The following BCL7A variants were observed in gnomAD, a reference collection of about 807,000 sequenced individuals.
The protein encoded by BCL7A is B-cell CLL/lymphoma 7 protein family member A.
In BCL7A, 11 loss-of-function variants were observed where a neutral mutation model predicts 28.4. That is an observed-to-expected ratio of 0.39 (90% confidence interval 0.24 to 0.64). The LOEUF (loss-of-function observed/expected upper bound fraction) is 0.64, where lower values mean the gene tolerates loss of function less well. BCL7A is among the 30% of genes least tolerant of loss of function. The pLI is 0.50. For missense variants in BCL7A, 222 were observed against 274.8 expected, an observed-to-expected ratio of 0.81 and a Z score of 1.36; for synonymous variants, 123 against 103.3, an observed-to-expected ratio of 1.19 and a Z score of -1.15.
rs1387857870 is a variant in BCL7A, at chr12:122,059,825, C to CCCCAA, written c.*662_*663insCCCAA. 1 of 231,984 alleles carries CCCCAA rather than the reference C, an allele frequency of 4.3e-6. No individual in the cohort carries two copies. The highest frequency in any genetic ancestry group is 6.1e-5 in the East Asian group (1 of 16,430). The allele number at this position is 231,984 out of a possible 1,614,324, so 14.4% of individuals were successfully genotyped here. On this transcript the variant is annotated 3_prime_UTR_variant, in exon 6 of 6. Coordinates refer to ENST00000261822, the MANE Select transcript of BCL7A (RefSeq NM_001024808.3). The surrounding 1 kb of genome is among the most constrained non-coding windows in gnomAD (Gnocchi z 4.0). ...CACCAGGCACCAGGGCCCAAGGACG[C>CCCCAA]GCAGGTGTTGGGGCACAGTCCCCAA...
chr12:122,044,925 G>T (rs1188088329), intron 4 of BCL7A, among the ~76,000 whole-genome samples: 1 of 152,184 alleles, frequency 6.6e-6, no homozygotes, highest in Non-Finnish European at 1.5e-5. Context: ...TAGGAAAGGG[G>T]TGGGGGGTCT....
At chr12:122,034,668 G>A (rs1357530373) in intron 2 of BCL7A, among the ~76,000 whole-genome samples, 17 of 151,656 alleles carry the variant, frequency 1.1e-4, no homozygotes, top group Non-Finnish European at 2.4e-4. Flanking sequence ...TCTGGGAGTT[G>A]GAGTTGGAGC....
intron 4 of BCL7A, among the ~76,000 whole-genome samples, chr12:122,047,953 G>A (rs1262943631): frequency 1.3e-5 from 2 of 148,710 alleles, no homozygotes; most frequent in African/African-American, 2.5e-5. Context: ...GCCCAGGCTG[G>A]AGTGCAATGG....
At chr12:122,034,689 C>T (rs1044002252) in intron 2 of BCL7A, among the ~76,000 whole-genome samples, 1 of 151,392 alleles carries the variant, frequency 6.6e-6, no homozygotes, top group African/African-American at 2.4e-5. Context: ...TTGCAGTGAG[C>T]CATGATCACG....
intron 3 of BCL7A, among the ~76,000 whole-genome samples, chr12:122,043,660 T>C (rs1884005366): frequency 6.6e-6 from 1 of 150,912 alleles, no homozygotes; most frequent in Admixed American, 6.6e-5. Context: ...TAATCCCAGC[T>C]ACTCGGGAGG....
chr12:122,022,615 T>C (rs1593019383), intron 1 of BCL7A, among the ~76,000 whole-genome samples: 1 of 143,874 alleles, frequency 7.0e-6, no homozygotes, highest in African/African-American at 2.5e-5. Context: ...GCGAGCTCCA[T>C]TGTGCAGGCT....
At chr12:122,031,411 G>A (rs1044525708) in intron 2 of BCL7A, among the ~76,000 whole-genome samples, 8 of 152,116 alleles carry the variant, frequency 5.3e-5, no homozygotes, top group Non-Finnish European at 1.2e-4. Context: ...CCCACAGTTA[G>A]GCACGTTCTC....
intron 4 of BCL7A, among the ~76,000 whole-genome samples, chr12:122,049,860 G>A (rs1388244442): frequency 6.6e-6 from 1 of 152,124 alleles, no homozygotes; most frequent in African/African-American, 2.4e-5. Context: ...GGCTGCATAT[G>A]CACTCAGAAT....
At chr12:122,056,693 C>T (rs1951880400) in intron 5 of BCL7A, among the ~76,000 whole-genome samples, 1 of 152,140 alleles carries the variant, frequency 6.6e-6, no homozygotes, top group Non-Finnish European at 1.5e-5. Flanking sequence ...ATAGTCCCAG[C>T]TACTCTGGAG....
chr12:122,022,942 C>T (rs1054253618), intron 1 of BCL7A, among the ~76,000 whole-genome samples: 2 of 152,250 alleles, frequency 1.3e-5, no homozygotes, highest in East Asian at 1.9e-4. Flanking sequence ...TGGCCAGAAG[C>T]CGTTCGTCCT....
chr12:122,052,759 T>G (rs1200702470), intron 4 of BCL7A, among the ~76,000 whole-genome samples: 1 of 145,816 alleles, frequency 6.9e-6, no homozygotes, highest in Non-Finnish European at 1.5e-5. Context: ...CTTGTCTCAC[T>G]GGAACCTCCG....
chr12:122,056,914 C>T (rs533950518), intron 5 of BCL7A, among the ~76,000 whole-genome samples: 32 of 152,346 alleles, frequency 2.1e-4, no homozygotes, highest in African/African-American at 6.7e-4. Context: ...GTCACTGTCT[C>T]TGCAAGTCCA....
intron 4 of BCL7A, among the ~76,000 whole-genome samples, chr12:122,050,751 G>A (rs1358755335): frequency 6.6e-6 from 1 of 152,216 alleles, no homozygotes; most frequent in Non-Finnish European, 1.5e-5. Context: ...AGCCATGATC[G>A]TGCCACTGCA....
intron 1 of BCL7A, among the ~76,000 whole-genome samples, chr12:122,024,082 G>A (rs1225676317): frequency 6.6e-6 from 1 of 152,086 alleles, no homozygotes; most frequent in Non-Finnish European, 1.5e-5. Flanking sequence ...CGCGGGCCCC[G>A]GGGCGGCCGG....
chr12:122,055,085 TC>T (rs1951868225), intron 5 of BCL7A, 159 bp downstream of exon 5: 6 of 1,433,378 alleles, frequency 4.2e-6, no homozygotes, highest in Non-Finnish European at 5.7e-6. Context: ...ATGAACACAG[TC>T]CTGGGCTCTG....
intron 4 of BCL7A, among the ~76,000 whole-genome samples, chr12:122,053,625 T>A (rs1157638041): frequency 6.6e-6 from 1 of 152,086 alleles, no homozygotes; most frequent in Non-Finnish European, 1.5e-5. Flanking sequence ...AGTGTCTGGC[T>A]CTGTGTCCAG....
chr12:122,038,048 G>A (rs1181292206), intron 3 of BCL7A, among the ~76,000 whole-genome samples: 2 of 151,928 alleles, frequency 1.3e-5, no homozygotes, highest in Non-Finnish European at 2.9e-5. Flanking sequence ...TTGAACCTAG[G>A]AGGCAGAAGC....
In BCL7A at chr12:122,035,292, G is replaced by A. The variant is rs199544866; in HGVS notation, c.175-39G>A. 134 of 1,573,508 alleles carry A rather than the reference G, an allele frequency of 8.5e-5. No individual in the cohort carries two copies. The East Asian group carries it at 3.0e-3, about 35-fold the overall frequency. The stretch of plus-strand genomic sequence containing the variant: ...TCTGAGCACGTGTGCGCACACACAT[G>A]ATCTGGTGACTTGGTTTCTGCTCCA... On this transcript the variant is annotated intron_variant, in intron 2 of 5. Transcript: ENST00000261822.
At chr12:122,046,060 T>TAA (rs776315126) in intron 4 of BCL7A, among the ~76,000 whole-genome samples, 3,711 of 62,770 alleles carry the variant, frequency 0.059, 514 homozygotes, top group African/African-American at 0.23. Flanking sequence ...GAGACCTTGC[T>TAA]AAAAAAAAAA....
Sources: gnomAD v4.1 joint callset for allele counts (sites outside exome capture counted in the v4.1 genomes callset) on GRCh38, gnomAD v4.1.1 for gene constraint, Gnocchi (gnomAD v3.1) non-coding constraint, MANE v1.5 for transcripts, NCBI Gene and HGNC (gene_info 2026-07-23, HGNC 2026-07-21) for gene names.